The following PLEKHM3 variants were observed in gnomAD, a reference collection of about 807,000 sequenced individuals.
PLEKHM3 encodes the protein pleckstrin homology domain containing M3.
In PLEKHM3, 45 loss-of-function variants were observed where a neutral mutation model predicts 81.8. That is an observed-to-expected ratio of 0.55 (90% CI 0.43 to 0.71). The LOEUF is 0.71. Among genes scored for constraint, PLEKHM3 ranks in the 30% least tolerant of loss-of-function variants. The pLI, the probability that PLEKHM3 is intolerant of heterozygous loss-of-function variation, is 0.00. For synonymous variants in PLEKHM3, 352 were observed against 356.4 expected (o/e 0.99, Z 0.14); for missense variants, 788 against 924.3 (o/e 0.85, Z 1.91).
intron 2 of PLEKHM3, among the ~76,000 whole-genome samples, chr2:207,982,658 A>G (rs928572037): frequency 6.7e-6 from 1 of 149,750 alleles, no homozygotes; most frequent in Non-Finnish European, 1.5e-5. Flanking sequence ...GGCTCACTGC[A>G]ACCTCCGCCT....
At chr2:207,842,185 C>G (rs963012290) in intron 7 of PLEKHM3, among the ~76,000 whole-genome samples, 4 of 152,222 alleles carry the variant, frequency 2.6e-5, no homozygotes, top group Admixed American at 2.6e-4. Context: ...CCGCCTGCCT[C>G]TGCCTCCCAA....
intron 4 of PLEKHM3, among the ~76,000 whole-genome samples, chr2:207,938,323 A>T (rs1019207858): frequency 6.6e-6 from 1 of 152,228 alleles, no homozygotes; most frequent in East Asian, 1.9e-4. Flanking sequence ...TCAGTATAAC[A>T]CCAGAAAATA....
At chr2:207,959,942 C>A (rs757057498) in intron 3 of PLEKHM3, among the ~76,000 whole-genome samples, 5 of 152,052 alleles carry the variant, frequency 3.3e-5, no homozygotes, top group Non-Finnish European at 7.4e-5. Flanking sequence ...TATTCTTTTC[C>A]CTTTCACCTT....
chr2:207,930,443 AT>A (rs1689551510), intron 5 of PLEKHM3, among the ~76,000 whole-genome samples: 1 of 151,676 alleles, frequency 6.6e-6, no homozygotes, highest in South Asian at 2.1e-4. Flanking sequence ...AAATAAAAAA[AT>A]AATAAATATA....
rs66843432 is a variant in PLEKHM3, at chr2:207,943,867, C to CAAA, written c.1692+2497_1692+2499dup. ...TGGGCGACAGAGCGAGACTCCGTCT[C>CAAA]AAAAAAAAAAAAAAAAAAAAAAAAG... On this transcript the variant is annotated intron_variant, in intron 4 of 7. Coordinates refer to ENST00000427836, the MANE Select transcript of PLEKHM3 (RefSeq NM_001080475.3). Among the ~76,000 whole-genome samples the CAAA allele has an allele frequency of 3.2e-3, 240 of 75,668 alleles. 4 individuals carry two copies. The highest frequency in any genetic ancestry group is 0.025 in the South Asian group (49 of 1,946). 49.6% of individuals were successfully genotyped at this position (75,668 alleles called of 152,430 possible).
intron 3 of PLEKHM3, among the ~76,000 whole-genome samples, chr2:207,952,292 C>T (rs1282721364): frequency 1.3e-5 from 2 of 152,156 alleles, no homozygotes; most frequent in Non-Finnish European, 2.9e-5. Flanking sequence ...AGGGGACTTC[C>T]CTGTCCCTCC....
intron 6 of PLEKHM3, among the ~76,000 whole-genome samples, chr2:207,872,964 G>A (rs2092542725): frequency 6.6e-6 from 1 of 152,146 alleles, no homozygotes; most frequent in African/African-American, 2.4e-5. Context: ...ACGTATGTGG[G>A]AGAAACTAAA....
At chr2:207,983,814 G>C (rs1691625162) in intron 2 of PLEKHM3, among the ~76,000 whole-genome samples, 1 of 152,176 alleles carries the variant, frequency 6.6e-6, no homozygotes, top group Non-Finnish European at 1.5e-5. Flanking sequence ...ACACACCAAA[G>C]AGTTCCTCTT....
intron 2 of PLEKHM3, among the ~76,000 whole-genome samples, chr2:207,980,770 C>G (rs766848975): frequency 6.6e-6 from 1 of 152,040 alleles, no homozygotes; most frequent in Non-Finnish European, 1.5e-5. Context: ...AGGGTTTCAC[C>G]ATATTGCCAA....
chr2:207,962,756 C>T lies in PLEKHM3; in HGVS notation c.1546+13895G>A, dbSNP rs527815978. Among the ~76,000 whole-genome samples the T allele has an allele frequency of 1.9e-3, 283 of 152,036 alleles. 1 individual carries two copies. The highest frequency in any genetic ancestry group is 6.5e-3 in the African/African-American group (269 of 41,468). On this transcript the variant is annotated intron_variant, in intron 3 of 7. Coordinates refer to ENST00000427836, the MANE Select transcript of PLEKHM3 (RefSeq NM_001080475.3). The stretch of plus-strand genomic sequence containing the variant: ...TGAAACAGATTATGTGCAAATAAAC[C>T]GTGCAAATAAACTGACAGTGCAGTG...
intron 6 of PLEKHM3, among the ~76,000 whole-genome samples, chr2:207,885,173 T>A (rs1307619677): frequency 6.6e-6 from 1 of 152,256 alleles, no homozygotes; most frequent in East Asian, 1.9e-4. Context: ...GTCTGAAAGC[T>A]CTGACTAGTT....
chr2:207,823,611 T>A lies in PLEKHM3; in HGVS notation c.*4708A>T, dbSNP rs892367472. 3.3e-5 allele frequency: 5 copies of A among 152,198 alleles called. No individual in the cohort carries two copies. Among genetic ancestry groups the A allele is most frequent in the African/African-American group, 7.2e-5 (3 of 41,446 alleles). 9.4% of individuals were successfully genotyped at this position (152,198 alleles called of 1,614,324 possible). A position where few individuals can be genotyped will look rare whatever the true frequency, so the allele number is the denominator to read the frequency against. On this transcript the variant is annotated 3_prime_UTR_variant, in exon 8 of 8. Transcript: ENST00000427836. ...GCCACTACGTTCAGCCTAATTTTTTTATTTTTAGTATAGACCTGATTTCAC... is the reference window on the plus strand; with the variant it reads ...GCCACTACGTTCAGCCTAATTTTTTAATTTTTAGTATAGACCTGATTTCAC...
At position 207,877,133 on chromosome 2, in the gene PLEKHM3, AAAGAT is replaced by A. The variant is rs578121993; in HGVS notation, c.1951-15876_1951-15872del. Among the ~76,000 whole-genome samples the A allele has an allele frequency of 9.8e-5, 15 of 152,352 alleles. No individual in the cohort carries two copies. The South Asian group carries it at 3.1e-3, about 32-fold the overall frequency. On this transcript the variant is annotated intron_variant, in intron 6 of 7. Transcript: ENST00000427836. ...ATGGTTTTGCAATAGGAGGGCATTC[AAAGAT>A]AAGATTAGTTTCAAAAAGAAAAGCA... is the stretch of plus-strand genomic sequence containing the variant.
At chr2:207,943,551 T>A (rs1690012257) in intron 4 of PLEKHM3, among the ~76,000 whole-genome samples, 2 of 152,222 alleles carry the variant, frequency 1.3e-5, no homozygotes, top group Admixed American at 1.3e-4. Flanking sequence ...TTCTACTACC[T>A]TTTTTAATGC....
At chr2:207,831,666 C>T (rs78450916) in intron 7 of PLEKHM3, among the ~76,000 whole-genome samples, 246 of 152,302 alleles carry the variant, frequency 1.6e-3, no homozygotes, top group African/African-American at 5.6e-3. Flanking sequence ...ACTCTAGTAC[C>T]CGTCTCCTTG....
intron 5 of PLEKHM3, among the ~76,000 whole-genome samples, chr2:207,918,951 A>G (rs1689092210): frequency 6.6e-6 from 1 of 152,154 alleles, no homozygotes; most frequent in Admixed American, 6.5e-5. Context: ...AAAATAAAAT[A>G]CCATGTTTAA....
At chr2:207,947,378 C>G (rs1421677401) in intron 3 of PLEKHM3, among the ~76,000 whole-genome samples, 1 of 152,238 alleles carries the variant, frequency 6.6e-6, no homozygotes, top group Non-Finnish European at 1.5e-5. Flanking sequence ...TGAGCGCTGT[C>G]TTGGTACTGT....
chr2:207,868,822 T>A (rs1286418982), intron 6 of PLEKHM3: 1 of 152,172 alleles, frequency 6.6e-6, no homozygotes, highest in Non-Finnish European at 1.5e-5. Context: ...GTTCATCTGT[T>A]TGGATGGGAT....
At chr2:207,914,317 G>C (rs763681723) in intron 5 of PLEKHM3, among the ~76,000 whole-genome samples, 1 of 151,976 alleles carries the variant, frequency 6.6e-6, no homozygotes, top group Non-Finnish European at 1.5e-5. Context: ...CCAACATGAA[G>C]AAACCCCATC....
Sources: allele counts gnomAD v4.1 joint callset (sites outside exome capture counted in the v4.1 genomes callset), GRCh38; gene constraint gnomAD v4.1.1; transcripts MANE v1.5; gene names NCBI Gene and HGNC (gene_info 2026-07-23, HGNC 2026-07-21).